The following GAB4 variants were observed in gnomAD, a reference collection of about 807,000 sequenced individuals.
GAB4 encodes the protein GRB2-associated-binding protein 4.
In GAB4, 26 loss-of-function variants were observed where a neutral mutation model predicts 51.3. The ratio of observed to expected loss-of-function variants is 0.51; its 90% CI spans 0.37 to 0.70. GAB4 has a LOEUF of 0.70. Ranked by LOEUF, GAB4 falls within the 30% of genes least tolerant of loss-of-function variation. GAB4 has a pLI of 0.00. For synonymous variants in GAB4, 329 were observed against 291.2 expected (o/e 1.13, Z -1.32); for missense variants, 759 against 734.6 (o/e 1.03, Z -0.38).
intron 5 of GAB4, 192 bp from the exon 6 acceptor site, chr22:16,966,556 T>C: frequency 4.9e-6 from 3 of 609,770 alleles, no homozygotes; most frequent in Non-Finnish European, 2.8e-6. Context: ...AGGAACCCCA[T>C]GGATGGGGCC....
At chr22:16,985,371 T>C (rs191023091) in intron 3 of GAB4, among the ~76,000 whole-genome samples, 69 of 152,366 alleles carry the variant, frequency 4.5e-4, no homozygotes, top group African/African-American at 1.4e-3. Context: ...TAATTTTTCA[T>C]TGGATACTGA....
chr22:16,968,169 G>A (rs1261435252), intron 5 of GAB4, 129 bp downstream of exon 5: 1 of 692,250 alleles, frequency 1.4e-6, no homozygotes, highest in Non-Finnish European at 2.6e-6. Flanking sequence ...TCTGAACTGA[G>A]GCAAGAACCT....
In GAB4 at chr22:16,970,049, G is replaced by A; in HGVS notation, c.831C>T (p.Ser277=). 1 of 1,614,222 alleles carries A rather than the reference G, an allele frequency of 6.2e-7. No individual in the cohort carries two copies. The highest frequency in any genetic ancestry group is 8.5e-7 in the Non-Finnish European group (1 of 1,180,032). ...TGCCTCTGAATTCTGCATTGTGCTG[G>A]CTGGGCTTGGAAAGGCTATGGAAGC... ...IHGFHSLSKP[S]QHNAEFRGST... The change falls in exon 4 of 10, where the codon AGC becomes AGT. Residue 277 remains serine (S), a synonymous_variant. Transcript: ENST00000400588.
intron 1 of GAB4, among the ~76,000 whole-genome samples, chr22:17,002,817 A>G (rs988810958): frequency 6.6e-6 from 1 of 152,216 alleles, no homozygotes; most frequent in East Asian, 1.9e-4. Flanking sequence ...CCAAAAACTT[A>G]AAGTATAATT....
At chr22:16,965,741 T>A (rs1045091101) in intron 6 of GAB4, among the ~76,000 whole-genome samples, 19 of 152,152 alleles carry the variant, frequency 1.2e-4, no homozygotes, top group African/African-American at 4.6e-4. Flanking sequence ...ACAGGACTGA[T>A]CCCCACCCAG....
intron 7 of GAB4, 26 bp from the exon 8 acceptor site, chr22:16,964,888 A>AGC (rs766200118): frequency 6.3e-7 from 1 of 1,580,360 alleles, no homozygotes; most frequent in Non-Finnish European, 8.7e-7. Context: ...GGCAAGGAGT[A>AGC]CATCCTGGGT....
intron 1 of GAB4, among the ~76,000 whole-genome samples, chr22:16,994,445 C>T (rs1217855341): frequency 6.6e-6 from 1 of 152,220 alleles, no homozygotes; most frequent in Non-Finnish European, 1.5e-5. Context: ...GCTGCCTTCA[C>T]GATTCTGTGT....
intron 5 of GAB4, chr22:16,967,458 AG>A (rs1209129119): frequency 6.6e-6 from 1 of 152,420 alleles, no homozygotes; most frequent in Non-Finnish European, 1.5e-5. Context: ...GATCAAGGCA[AG>A]GATCACATCA....
chr22:16,966,080 T>G lies in GAB4; in HGVS notation c.1288+20A>C. 1 of 1,611,510 alleles carries G rather than the reference T, an allele frequency of 6.2e-7. No homozygotes were observed. Among genetic ancestry groups the G allele is most frequent in the Non-Finnish European group, 8.5e-7 (1 of 1,178,482 alleles). ...AGAGTCCCTGGACATTGTCAAGAAA[T>G]AGAATGGGGAAAGACTTACCCTTCT... On this transcript the variant is annotated intron_variant, in intron 6 of 9. Transcript: ENST00000400588.
At chr22:16,991,824 G>A (rs2082839692) in intron 2 of GAB4, 49 bp downstream of exon 2, 5 of 1,452,656 alleles carry the variant, frequency 3.4e-6, no homozygotes, top group Non-Finnish European at 4.7e-6. Flanking sequence ...GGAGATTGGA[G>A]GGCCTCATCT....
At chr22:16,964,182 G>C (rs1476385136) in intron 8 of GAB4, among the ~76,000 whole-genome samples, 1 of 152,134 alleles carries the variant, frequency 6.6e-6, no homozygotes, top group Non-Finnish European at 1.5e-5. Flanking sequence ...CTCTCCAGGA[G>C]ACACGCAGGG....
intron 7 of GAB4, 73 bp downstream of exon 7, chr22:16,965,105 A>C (rs1249117454): frequency 1.4e-5 from 16 of 1,148,162 alleles, no homozygotes; most frequent in Non-Finnish European, 1.9e-5. Context: ...TCCTGACCAC[A>C]AGCCAATGAC....
At chr22:16,995,594 G>C (rs1219200238) in intron 1 of GAB4, among the ~76,000 whole-genome samples, 3 of 152,192 alleles carry the variant, frequency 2.0e-5, no homozygotes, top group Non-Finnish European at 4.4e-5. Flanking sequence ...GCCCCTCTGG[G>C]ATGACGCTTC....
chr22:16,985,826 C>T (rs150839249), intron 3 of GAB4, among the ~76,000 whole-genome samples: 1 of 152,350 alleles, frequency 6.6e-6, no homozygotes, highest in African/African-American at 2.4e-5. Flanking sequence ...AAACGCTGAT[C>T]ATGTACTGAT....
intron 3 of GAB4, among the ~76,000 whole-genome samples, chr22:16,973,013 G>C (rs186074368): frequency 1.3e-5 from 2 of 152,232 alleles, no homozygotes; most frequent in East Asian, 1.9e-4. Flanking sequence ...ACACTTCTGG[G>C]CTTTGTCCTG....
At chr22:16,996,744 GT>G (rs1444644515) in intron 1 of GAB4, among the ~76,000 whole-genome samples, 1 of 152,062 alleles carries the variant, frequency 6.6e-6, no homozygotes, top group African/African-American at 2.4e-5. Flanking sequence ...CATGTGCCAT[GT>G]TGGTGTGCTG....
At chr22:17,000,506 T>A (rs1482317698) in intron 1 of GAB4, among the ~76,000 whole-genome samples, 1 of 152,166 alleles carries the variant, frequency 6.6e-6, no homozygotes, top group African/African-American at 2.4e-5. Context: ...TCTTCCTCCA[T>A]CCCTTTATTT....
intron 1 of GAB4, among the ~76,000 whole-genome samples, chr22:17,006,955 T>G (rs2123734339): frequency 6.6e-6 from 1 of 152,150 alleles, no homozygotes; most frequent in Non-Finnish European, 1.5e-5. Context: ...TGTATATGTA[T>G]GTAACAAACC....
intron 3 of GAB4, among the ~76,000 whole-genome samples, chr22:16,980,908 C>A (rs903749240): frequency 1.2e-4 from 18 of 151,998 alleles, no homozygotes; most frequent in African/African-American, 4.1e-4. Flanking sequence ...TACCCTAGAA[C>A]CGAAAACCAA....
Sources: allele counts gnomAD v4.1 joint callset (sites outside exome capture counted in the v4.1 genomes callset), GRCh38; gene constraint gnomAD v4.1.1; transcripts MANE v1.5; gene names NCBI Gene and HGNC (gene_info 2026-07-23, HGNC 2026-07-21).